Variants in NCAM2 observed in about 807,000 individuals in gnomAD.
NCAM2 encodes neural cell adhesion molecule 2, also known as N-CAM-2.
NCAM2 carries 30 observed loss-of-function variants against 98.1 expected under a neutral mutation model. That is an observed-to-expected ratio of 0.31 (90% CI 0.23 to 0.41). NCAM2 has a LOEUF of 0.41. Ranked by LOEUF, NCAM2 falls within the 10% of genes least tolerant of loss-of-function variation. The pLI is 1.00. For synonymous variants in NCAM2, 368 were observed against 342.4 expected, an observed-to-expected ratio of 1.07 and a Z score of -0.83; for missense variants, 867 against 1,005.8, an observed-to-expected ratio of 0.86 and a Z score of 1.87.
intron 15 of NCAM2, among the ~76,000 whole-genome samples, chr21:21,507,601 G>T (rs1356251975): frequency 1.3e-5 from 2 of 151,902 alleles, no homozygotes; most frequent in Non-Finnish European, 2.9e-5. Flanking sequence ...AGACCATCCT[G>T]GCTAACACGG....
intron 1 of NCAM2, among the ~76,000 whole-genome samples, chr21:21,125,718 G>T (rs540443541): frequency 1.1e-3 from 160 of 143,786 alleles, no homozygotes; most frequent in Middle Eastern, 3.9e-3. Context: ...TATATATAGA[G>T]AGAGAGAGAT....
chr21:21,281,672 A>G (rs1263213356), intron 2 of NCAM2, among the ~76,000 whole-genome samples: 1 of 151,982 alleles, frequency 6.6e-6, no homozygotes, highest in Non-Finnish European at 1.5e-5. Flanking sequence ...TATCCAAACT[A>G]TGATATACCT....
intron 1 of NCAM2, among the ~76,000 whole-genome samples, chr21:21,071,011 G>A (rs1176981092): frequency 2.0e-5 from 3 of 152,070 alleles, no homozygotes; most frequent in South Asian, 2.1e-4. Flanking sequence ...TTGAGAGTAC[G>A]TTTCTAAACT....
In NCAM2 at chr21:21,530,288, T is replaced by A. The variant is rs1420780917; in HGVS notation, c.2283-4249T>A. Among the ~76,000 whole-genome samples, 4 of 126,312 alleles carry A rather than the reference T, an allele frequency of 3.2e-5. No homozygotes were observed. In the Admixed American group the frequency reaches 3.7e-4, roughly 12 times the overall value. 82.9% of individuals were successfully genotyped at this position (126,312 alleles called of 152,430 possible). ...TTTAATTATATATAATTTAATTTAA[T>A]TATATATAATTAAATTAAATTATAT... On this transcript the variant is annotated intron_variant, in intron 16 of 17. Transcript: ENST00000400546.
chr21:21,419,072 CA>C (rs1030731539), intron 11 of NCAM2, among the ~76,000 whole-genome samples: 22 of 151,896 alleles, frequency 1.4e-4, no homozygotes, highest in African/African-American at 5.3e-4. Flanking sequence ...TATGAACTTC[CA>C]AAAAGTGGGT....
At chr21:21,307,174 G>T (rs535022915) in intron 5 of NCAM2, among the ~76,000 whole-genome samples, 1 of 152,016 alleles carries the variant, frequency 6.6e-6, no homozygotes, top group Non-Finnish European at 1.5e-5. Flanking sequence ...GCTATGTATT[G>T]TCTGATATCT....
At chr21:21,466,974 T>C (rs762442) in intron 13 of NCAM2, among the ~76,000 whole-genome samples, 84,929 of 151,774 alleles carry the variant, frequency 0.56, 25,152 homozygotes, top group African/African-American at 0.7. Context: ...AAATTGTCCT[T>C]ATTGCAAAAG....
chr21:21,043,974 G>A (rs1481605851), intron 1 of NCAM2, among the ~76,000 whole-genome samples: 2 of 151,842 alleles, frequency 1.3e-5, no homozygotes, highest in Admixed American at 6.6e-5. Context: ...TCCAAATCAA[G>A]GATATTTGAA....
chr21:21,520,314 A>G (rs760859267), intron 16 of NCAM2, among the ~76,000 whole-genome samples: 1 of 152,160 alleles, frequency 6.6e-6, no homozygotes, highest in Non-Finnish European at 1.5e-5. Context: ...TATAAATGTT[A>G]TGTAAAATAA....
At chr21:21,143,736 G>A (rs531145149) in intron 1 of NCAM2, among the ~76,000 whole-genome samples, 18 of 148,654 alleles carry the variant, frequency 1.2e-4, no homozygotes, top group South Asian at 2.1e-4. Flanking sequence ...CACCAAAAAC[G>A]CATTATTTAA....
intron 5 of NCAM2, among the ~76,000 whole-genome samples, chr21:21,313,753 C>T (rs1161445964): frequency 1.3e-5 from 2 of 151,886 alleles, no homozygotes; most frequent in Non-Finnish European, 2.9e-5. Context: ...GTCTTTCATT[C>T]TTCTATTTTC....
At chr21:21,417,090 A>T (rs1323697760) in intron 10 of NCAM2, among the ~76,000 whole-genome samples, 1 of 152,096 alleles carries the variant, frequency 6.6e-6, no homozygotes. Context: ...TAAATTATTA[A>T]TCTTAAGGAG....
intron 1 of NCAM2, among the ~76,000 whole-genome samples, chr21:21,103,246 T>G (rs1195011724): frequency 6.6e-6 from 1 of 152,066 alleles, no homozygotes; most frequent in African/African-American, 2.4e-5. Flanking sequence ...GTATTTAGGT[T>G]AGTCATTTGT....
rs73334391 is a variant in NCAM2 at position 21,204,184 on chromosome 21, A to T, written c.56-76394A>T. On this transcript the variant is annotated intron_variant, in intron 1 of 17. Transcript: ENST00000400546. ...CTCACATATAAGTGATTCTACCTTT[A>T]TCTCCCTTGGTTCTTACAATTTTAG... Among the ~76,000 whole-genome samples the T allele has an allele frequency of 5.3e-3, 800 of 152,188 alleles. 7 individuals are homozygous for T. The highest frequency in any genetic ancestry group is 0.019 in the African/African-American group (774 of 41,552).
chr21:21,451,722 G>A (rs1002422130), intron 12 of NCAM2, among the ~76,000 whole-genome samples: 5 of 152,058 alleles, frequency 3.3e-5, no homozygotes, highest in African/African-American at 7.2e-5. Context: ...TTCTGGTAAC[G>A]TGGGCTTGTC....
chr21:21,056,277 A>G (rs1232125485), intron 1 of NCAM2, among the ~76,000 whole-genome samples: 2 of 152,090 alleles, frequency 1.3e-5, no homozygotes, highest in Non-Finnish European at 2.9e-5. Flanking sequence ...TGTATTGAAT[A>G]TAATCTTGAG....
chr21:21,443,906 A>C (rs1383312042), intron 12 of NCAM2, among the ~76,000 whole-genome samples: 2 of 152,112 alleles, frequency 1.3e-5, no homozygotes, highest in Non-Finnish European at 2.9e-5. Flanking sequence ...TAAGATAATC[A>C]GTATTTGTAC....
chr21:21,200,463 C>G (rs1249422911), intron 1 of NCAM2, among the ~76,000 whole-genome samples: 1 of 147,934 alleles, frequency 6.8e-6, no homozygotes, highest in African/African-American at 2.5e-5. Context: ...AACAGTTTTA[C>G]TAGCTGTTAC....
At chr21:21,528,492 A>G (rs1421543595) in intron 16 of NCAM2, among the ~76,000 whole-genome samples, 1 of 152,144 alleles carries the variant, frequency 6.6e-6, no homozygotes, top group African/African-American at 2.4e-5. Flanking sequence ...CAATTTTGCT[A>G]TGAAATTAAA....
Sources: gnomAD v4.1 joint callset for allele counts (sites outside exome capture counted in the v4.1 genomes callset) on GRCh38, gnomAD v4.1.1 for gene constraint, MANE v1.5 for transcripts, NCBI Gene and HGNC (gene_info 2026-07-23, HGNC 2026-07-21) for gene names.